The following GRM5 variants were observed in gnomAD, a reference collection of about 807,000 sequenced individuals.
The protein encoded by GRM5 is glutamate metabotropic receptor 5.
In GRM5, 19 loss-of-function variants were observed where a neutral mutation model predicts 83.1. The observed-to-expected ratio is 0.23, with a 90% CI of 0.16 to 0.34. The LOEUF is 0.34. GRM5 is among the 10% of genes least tolerant of loss of function. The pLI is 1.00. For synonymous variants in GRM5, 675 were observed against 633.6 expected (o/e 1.07, Z -0.98); for missense variants, 1,160 against 1,588.3 (o/e 0.73, Z 4.58).
intron 4 of GRM5, among the ~76,000 whole-genome samples, chr11:88,608,126 G>C (rs1254852441): frequency 2.6e-5 from 4 of 152,138 alleles, no homozygotes; most frequent in Non-Finnish European, 5.9e-5. Context: ...CTGAGCCTTG[G>C]GGGAGCAGCT....
intron 3 of GRM5, among the ~76,000 whole-genome samples, chr11:88,759,114 C>G (rs564529287): frequency 6.6e-6 from 1 of 152,112 alleles, no homozygotes; most frequent in African/African-American, 2.4e-5. Flanking sequence ...TCATTACCAT[C>G]CACTACAAAA....
chr11:88,883,919 A>G (rs1380993866), intron 2 of GRM5, among the ~76,000 whole-genome samples: 1 of 152,140 alleles, frequency 6.6e-6, no homozygotes, highest in African/African-American at 2.4e-5. Flanking sequence ...ATGTATGGAA[A>G]TGCCTGAGTG....
chr11:88,859,851 G>A (rs957725668), intron 2 of GRM5, among the ~76,000 whole-genome samples: 1 of 152,148 alleles, frequency 6.6e-6, no homozygotes, highest in Non-Finnish European at 1.5e-5. Flanking sequence ...GATTACAGAT[G>A]TATGTGATTT....
chr11:88,887,761 A>C (rs1292452420), intron 2 of GRM5, among the ~76,000 whole-genome samples: 1 of 152,138 alleles, frequency 6.6e-6, no homozygotes, highest in Non-Finnish European at 1.5e-5. Context: ...CCTGGAGTGC[A>C]TTCTGAAGCA....
intron 8 of GRM5, among the ~76,000 whole-genome samples, chr11:88,526,295 T>C (rs1189249698): frequency 6.6e-6 from 1 of 152,302 alleles, no homozygotes; most frequent in East Asian, 1.9e-4. Context: ...TCAATGACAG[T>C]TTTTTGAGCT....
rs539389604 is a variant in GRM5, at chr11:88,577,182, A to C, written c.1691-9190T>G. On this transcript the variant is annotated intron_variant, in intron 7 of 9. Transcript: ENST00000305447. ...CATTACCTTTCCTAAGGAAGGTTGC[A>C]AAATTGTATGCATATTCTGCCACAG... Among the ~76,000 whole-genome samples, 49 of 152,186 alleles carry C rather than the reference A, an allele frequency of 3.2e-4. No individual in the cohort carries two copies. In the South Asian group the frequency reaches 0.01, roughly 32 times the overall value.
chr11:88,722,141 T>G (rs778829586), intron 3 of GRM5, among the ~76,000 whole-genome samples: 4 of 152,198 alleles, frequency 2.6e-5, no homozygotes, highest in Non-Finnish European at 5.9e-5. Flanking sequence ...GGCTGAGAAT[T>G]ACTAACAATT....
At chr11:88,622,063 A>G (rs1938651846) in intron 4 of GRM5, among the ~76,000 whole-genome samples, 2 of 148,252 alleles carry the variant, frequency 1.3e-5, no homozygotes, top group South Asian at 4.5e-4. Flanking sequence ...ATTTTGTAGG[A>G]CATAGATATT....
intron 7 of GRM5, among the ~76,000 whole-genome samples, chr11:88,589,952 T>C (rs909893275): frequency 1.3e-5 from 2 of 152,154 alleles, no homozygotes; most frequent in Non-Finnish European, 2.9e-5. Flanking sequence ...AAAGGAATCA[T>C]ATTCTGTTTA....
chr11:89,021,037 T>A (rs1940970954), intron 2 of GRM5, among the ~76,000 whole-genome samples: 1 of 152,182 alleles, frequency 6.6e-6, no homozygotes. Context: ...AGTCCCCTCA[T>A]TTCACCATCT....
At chr11:88,906,372 T>C (rs182373832) in intron 2 of GRM5, among the ~76,000 whole-genome samples, 2 of 152,244 alleles carry the variant, frequency 1.3e-5, no homozygotes, top group East Asian at 3.9e-4. Flanking sequence ...TTGAGGACAT[T>C]CGTACATAAA....
chr11:88,595,048 T>C (rs1430630510), intron 6 of GRM5, among the ~76,000 whole-genome samples: 2 of 152,202 alleles, frequency 1.3e-5, no homozygotes, highest in Admixed American at 6.5e-5. Flanking sequence ...AGTAATTTTT[T>C]AATGTCCTCA....
intron 3 of GRM5, among the ~76,000 whole-genome samples, chr11:88,680,155 T>C (rs558541634): frequency 3.2e-4 from 48 of 152,300 alleles, no homozygotes; most frequent in African/African-American, 1.2e-3. Flanking sequence ...CATGAATACA[T>C]GTGCCATGTA....
chr11:88,915,088 A>C (rs915608507), intron 2 of GRM5, among the ~76,000 whole-genome samples: 12 of 152,164 alleles, frequency 7.9e-5, no homozygotes, highest in African/African-American at 9.7e-5. Flanking sequence ...CAATAACTAT[A>C]CTATTTTGAG....
chr11:88,823,019 T>G (rs1565247979), intron 3 of GRM5, among the ~76,000 whole-genome samples: 1 of 151,954 alleles, frequency 6.6e-6, no homozygotes, highest in Non-Finnish European at 1.5e-5. Flanking sequence ...TCAATTCATT[T>G]TCTCTATTCT....
intron 3 of GRM5, among the ~76,000 whole-genome samples, chr11:88,810,759 G>A (rs1200877641): frequency 1.3e-5 from 2 of 152,078 alleles, no homozygotes; most frequent in Non-Finnish European, 2.9e-5. Flanking sequence ...GTATGAAGAT[G>A]ACCAATGCCA....
intron 1 of GRM5, among the ~76,000 whole-genome samples, chr11:89,050,794 G>A (rs1379196168): frequency 6.6e-6 from 1 of 152,178 alleles, no homozygotes; most frequent in Non-Finnish European, 1.5e-5. Flanking sequence ...ATGAGATCAT[G>A]TTTTCTGCAT....
chr11:88,705,698 T>C (rs1316894318), intron 3 of GRM5, among the ~76,000 whole-genome samples: 1 of 151,758 alleles, frequency 6.6e-6, no homozygotes, highest in East Asian at 1.9e-4. Flanking sequence ...ATATATTCCA[T>C]CTTCCACACA....
chr11:88,986,955 A>G (rs939076750), intron 2 of GRM5, among the ~76,000 whole-genome samples: 12 of 151,908 alleles, frequency 7.9e-5, no homozygotes, highest in Non-Finnish European at 1.8e-4. Flanking sequence ...TGGGAGGCTG[A>G]GGTGGGTGGA....
Sources: gnomAD v4.1 joint callset for allele counts (sites outside exome capture counted in the v4.1 genomes callset) on GRCh38, gnomAD v4.1.1 for gene constraint, MANE v1.5 for transcripts, NCBI Gene and HGNC (gene_info 2026-07-23, HGNC 2026-07-21) for gene names.